Variants in RAB33B observed in about 807,000 individuals in gnomAD.
RAB33B encodes the protein RAB33B, member RAS oncogene family.
In RAB33B, 6 loss-of-function variants were observed where a neutral mutation model predicts 15.0. The observed-to-expected ratio is 0.40, with a 90% CI of 0.22 to 0.79. The LOEUF is 0.79. Ranked by LOEUF, RAB33B falls within the 30% of genes least tolerant of loss-of-function variation. The pLI is 0.37. For missense variants in RAB33B, 257 were observed against 296.4 expected (o/e 0.87, Z 0.98); for synonymous variants, 117 against 108.3 (o/e 1.08, Z -0.50).
intron 1 of RAB33B, among the ~76,000 whole-genome samples, chr4:139,465,832 C>T (rs1348959113): frequency 4.6e-5 from 7 of 150,924 alleles, no homozygotes; most frequent in African/African-American, 1.7e-4. Flanking sequence ...TGGGCTTAAG[C>T]GATCCTCCCA....
At chr4:139,461,747 A>T (rs1750174992) in intron 1 of RAB33B, among the ~76,000 whole-genome samples, 1 of 152,014 alleles carries the variant, frequency 6.6e-6, no homozygotes, top group Non-Finnish European at 1.5e-5. Flanking sequence ...CCTTATCACC[A>T]TTATTATTCT....
the RAB33B span, among the ~76,000 whole-genome samples, chr4:139,446,324 A>G: frequency 6.6e-6 from 1 of 152,224 alleles, no homozygotes. Flanking sequence ...GGACAGCTGT[A>G]GCACTACAGC....
intron 1 of RAB33B, among the ~76,000 whole-genome samples, chr4:139,463,008 A>C (rs1426076419): frequency 1.3e-5 from 2 of 152,124 alleles, no homozygotes; most frequent in Non-Finnish European, 2.9e-5. Flanking sequence ...TCTACAAAAA[A>C]CACAAAAATT....
At chr4:139,464,409 T>A (rs990519254) in intron 1 of RAB33B, among the ~76,000 whole-genome samples, 1 of 148,312 alleles carries the variant, frequency 6.7e-6, no homozygotes, top group African/African-American at 2.6e-5. Context: ...TTTTTTTTTT[T>A]TTTATACTTT....
At chr4:139,470,950 C>G (rs1359751645) in intron 1 of RAB33B, among the ~76,000 whole-genome samples, 1 of 152,140 alleles carries the variant, frequency 6.6e-6, no homozygotes, top group Non-Finnish European at 1.5e-5. Flanking sequence ...CTCTCCTCTC[C>G]TCTCCTCAAA....
upstream of RAB33B, chr4:139,449,590 G>A (rs1363467958): frequency 1.3e-5 from 2 of 152,122 alleles, no homozygotes; most frequent in Admixed American, 6.5e-5. Context: ...GACTGGCTTA[G>A]CCTCCCAGCC....
Position 139,454,186 on chromosome 4 carries a change from G to C in RAB33B, c.-10G>C. ...CTTTCCTCCGCCTCAGTTTGGGGCG[G>C]GTCGGGGGAATGGCTGAGGAGATGG... is the stretch of plus-strand genomic sequence containing the variant. On this transcript the variant is annotated 5_prime_UTR_variant, in exon 1 of 2. Transcript: ENST00000305626. 1 of 1,605,772 alleles carries C rather than the reference G, an allele frequency of 6.2e-7. No individual in the cohort carries two copies. Among genetic ancestry groups the C allele is most frequent in the Non-Finnish European group, 8.5e-7 (1 of 1,174,984 alleles).
At chr4:139,439,247 G>A in the RAB33B span, among the ~76,000 whole-genome samples, 9 of 152,242 alleles carry the variant, frequency 5.9e-5, no homozygotes, top group South Asian at 4.1e-4. Context: ...TGATCCGCCC[G>A]CCTCGGCCTC....
At chr4:139,438,564 C>CT in the RAB33B span, among the ~76,000 whole-genome samples, 2 of 151,790 alleles carry the variant, frequency 1.3e-5, no homozygotes, top group Non-Finnish European at 2.9e-5. Flanking sequence ...CTGGATAAAT[C>CT]TTTGACTACC....
intron 1 of RAB33B, among the ~76,000 whole-genome samples, chr4:139,471,388 C>T (rs188610185): frequency 7.9e-5 from 12 of 152,238 alleles, no homozygotes; most frequent in Admixed American, 4.6e-4. Context: ...TGTACCACAC[C>T]GCTGCTGCTC....
Position 139,454,259 on chromosome 4 carries a change from G to A in RAB33B, c.64G>A (p.Ala22Thr), listed in dbSNP as rs759734964. 6 of 1,614,150 alleles carry A rather than the reference G, an allele frequency of 3.7e-6. No homozygotes were observed. The Admixed American group carries it at 1.0e-4, about 27-fold the overall frequency. ...TTCGTCCAGCGGGGCAGTGTCAGGG[G>A]CCTCAGGGTTTTTGCCTCCTGCCCG... is the stretch of plus-strand genomic sequence containing the variant. ...SFSSSGAVSG[A>T]SGFLPPARSR... The change falls in exon 1 of 2, where the codon GCC becomes ACC. Residue 22 changes from alanine (A) to threonine (T), a missense_variant. By Grantham distance (58) the Ala-to-Thr change is moderately conservative. Transcript: ENST00000305626.
the RAB33B span, among the ~76,000 whole-genome samples, chr4:139,444,057 A>G: frequency 1.3e-5 from 2 of 152,260 alleles, no homozygotes; most frequent in Admixed American, 6.5e-5. Flanking sequence ...CTTGAGTTTT[A>G]TAATTTATAT....
At chr4:139,457,965 A>G (rs1304061603) in intron 1 of RAB33B, among the ~76,000 whole-genome samples, 1 of 151,774 alleles carries the variant, frequency 6.6e-6, no homozygotes, top group Non-Finnish European at 1.5e-5. Flanking sequence ...CCTTTTTTTA[A>G]CCTCTCTTTG....
chr4:139,465,570 G>A (rs549982063), intron 1 of RAB33B, among the ~76,000 whole-genome samples: 1 of 152,206 alleles, frequency 6.6e-6, no homozygotes, highest in African/African-American at 2.4e-5. Context: ...TTTTGTATAA[G>A]GTGTAAGGAA....
At chr4:139,441,392 C>T in the RAB33B span, among the ~76,000 whole-genome samples, 1 of 152,180 alleles carries the variant, frequency 6.6e-6, no homozygotes, top group Non-Finnish European at 1.5e-5. Context: ...CAATCCTCTT[C>T]AAAGCATTAG....
upstream of RAB33B, chr4:139,453,916 A>G (rs2111066277): frequency 3.4e-6 from 1 of 294,232 alleles, no homozygotes; most frequent in East Asian, 6.4e-5. Context: ...AGCCCCCGAC[A>G]GGTCCCACGC....
At chr4:139,469,396 A>T (rs1196462738) in intron 1 of RAB33B, among the ~76,000 whole-genome samples, 1 of 152,134 alleles carries the variant, frequency 6.6e-6, no homozygotes, top group African/African-American at 2.4e-5. Flanking sequence ...ATCTGGTAGT[A>T]TTCTGAATTC....
intron 1 of RAB33B, among the ~76,000 whole-genome samples, chr4:139,467,647 G>C (rs548126338): frequency 6.6e-6 from 1 of 151,544 alleles, no homozygotes; most frequent in South Asian, 2.1e-4. Context: ...CGCTTGAGCT[G>C]AGGAGTTCAG....
In RAB33B at chr4:139,467,963, T is replaced by G. The variant is rs1275469215; in HGVS notation, c.250-4723T>G. On this transcript the variant is annotated intron_variant, in intron 1 of 1. Coordinates refer to ENST00000305626, the MANE Select transcript of RAB33B (RefSeq NM_031296.3). ...AGTAGGTCTTATTCATTCTTTCTGT[T>G]TTTTTTTTTTTTGTACCCGTTAACC... Among the ~76,000 whole-genome samples the G allele has an allele frequency of 8.6e-3, 247 of 28,670 alleles. 1 individual carries two copies. The highest frequency in any genetic ancestry group is 0.015 in the Non-Finnish European group (207 of 13,610). The allele number at this position is 28,670 out of a possible 152,430, so 18.8% of individuals were successfully genotyped here. A position where few individuals can be genotyped will look rare whatever the true frequency, so the allele number is the denominator to read the frequency against.
Sources: allele counts gnomAD v4.1 joint callset (sites outside exome capture counted in the v4.1 genomes callset), GRCh38; gene constraint gnomAD v4.1.1; transcripts MANE v1.5; gene names NCBI Gene and HGNC (gene_info 2026-07-23, HGNC 2026-07-21).